Variants in PSMD3 observed in about 807,000 individuals in gnomAD.
PSMD3 encodes the protein 26S proteasome non-ATPase regulatory subunit 3.
In PSMD3, 5 loss-of-function variants were observed where a neutral mutation model predicts 62.8. The ratio of observed to expected loss-of-function variants is 0.08; its 90% CI spans 0.04 to 0.17. PSMD3 has a LOEUF of 0.17. Among genes scored for constraint, PSMD3 ranks in the 10% least tolerant of loss-of-function variants. The pLI is 1.00. For synonymous variants in PSMD3, 265 were observed against 283.9 expected (o/e 0.93, Z 0.67); for missense variants, 524 against 713.6 (o/e 0.73, Z 3.03).
In PSMD3 at chr17:39,996,120, C is replaced by CA. The variant is rs35244421; in HGVS notation, c.1321-48dup. The CA allele has an allele frequency of 0.035, 50,215 of 1,429,036 alleles. 12 individuals are homozygous for CA. The highest frequency in any genetic ancestry group is 0.039 in the Non-Finnish European group (40,629 of 1,050,376). 88.5% of individuals were successfully genotyped at this position (1,429,036 alleles called of 1,614,324 possible). ...TGGGTGACAGAGCGAGACTCCATCTCAAAAAAAAAAAAAAAGAAGAAGCTG... is the reference window on the plus strand; with the variant it reads ...TGGGTGACAGAGCGAGACTCCATCTCAAAAAAAAAAAAAAAAGAAGAAGCTG... On this transcript the variant is annotated intron_variant, in intron 9 of 11. Transcript: ENST00000264639. The surrounding 1 kb of genome is among the most constrained non-coding windows in gnomAD (Gnocchi z 5.1).
rs1980743422 is a variant in PSMD3 at position 39,994,857 on chromosome 17, T to C, written c.982-97T>C. Reference sequence around the variant, plus strand: ...GCCTAAACAGTGATCCCTTTCCCTGTTTCCCACTACATCTGGCAGAATTTA... The same window carrying C: ...GCCTAAACAGTGATCCCTTTCCCTGCTTCCCACTACATCTGGCAGAATTTA... On this transcript the variant is annotated intron_variant, in intron 6 of 11. Transcript: ENST00000264639. 5 of 1,046,948 alleles carry C rather than the reference T, an allele frequency of 4.8e-6. No individual in the cohort carries two copies. In the East Asian group the frequency reaches 1.2e-4, roughly 26 times the overall value. The allele number at this position is 1,046,948 out of a possible 1,614,324, so 64.9% of individuals were successfully genotyped here.
At chr17:39,993,369 G>A (rs1980704861) in intron 6 of PSMD3, 1 of 152,152 alleles carries the variant, frequency 6.6e-6, no homozygotes, top group Non-Finnish European at 1.5e-5. Flanking sequence ...ATGCAGTTTA[G>A]CCCATAACAC....
chr17:39,992,647 C>T (rs1042031004), intron 6 of PSMD3, among the ~76,000 whole-genome samples: 1 of 152,202 alleles, frequency 6.6e-6, no homozygotes, highest in Non-Finnish European at 1.5e-5. Context: ...CCTGTCTTTA[C>T]TTAACACCAG....
intron 1 of PSMD3, among the ~76,000 whole-genome samples, chr17:39,982,350 G>T (rs952378353): frequency 2.6e-5 from 4 of 152,206 alleles, no homozygotes; most frequent in Non-Finnish European, 5.9e-5. Context: ...ATTGTGGAAT[G>T]TATGAGAAGT....
intron 6 of PSMD3, among the ~76,000 whole-genome samples, chr17:39,992,288 G>A (rs1980676786): frequency 6.6e-6 from 1 of 152,170 alleles, no homozygotes; most frequent in African/African-American, 2.4e-5. Flanking sequence ...AGAGGTCTCG[G>A]GCTGTTGGTG....
At chr17:39,988,637 C>T (rs1229999573) in intron 3 of PSMD3, 46 bp from the exon 4 acceptor site, 1 of 1,605,564 alleles carries the variant, frequency 6.2e-7, no homozygotes, top group South Asian at 1.1e-5. Context: ...CCATGTTTAT[C>T]CTTTTGAGGA....
intron 1 of PSMD3, among the ~76,000 whole-genome samples, chr17:39,982,671 G>C (rs1222825143): frequency 6.6e-6 from 1 of 152,120 alleles, no homozygotes; most frequent in Non-Finnish European, 1.5e-5. Context: ...GCTTAAAACT[G>C]TGCCTAGCAC....
At chr17:39,988,575 G>A (rs2144811367) in intron 3 of PSMD3, 108 bp from the exon 4 acceptor site, 2 of 1,294,382 alleles carry the variant, frequency 1.5e-6, no homozygotes, top group East Asian at 2.5e-5. Flanking sequence ...TAAGTTTCCA[G>A]TTCTCTTGGC....
At chr17:39,997,195 C>T in intron 10 of PSMD3, 135 bp from the exon 11 acceptor site, 1 of 778,486 alleles carries the variant, frequency 1.3e-6, no homozygotes, top group Middle Eastern at 2.5e-4. Flanking sequence ...TAGCCCCCCA[C>T]TAGACTAACT....
rs555805954 is a variant in PSMD3 at position 39,995,854 on chromosome 17, C to T, written c.1320+327C>T. 2.3e-5 allele frequency: 11 copies of T among 481,772 alleles called. No individual in the cohort carries two copies. The highest frequency in any genetic ancestry group is 1.6e-4 in the African/African-American group (8 of 51,154). The allele number at this position is 481,772 out of a possible 1,614,324, so 29.8% of individuals were successfully genotyped here. The stretch of plus-strand genomic sequence containing the variant: ...GCGTGCTGGGCCAGGCGCAGTGGCT[C>T]ATGCCTGTAATCCCAGCACTTTGGG... On this transcript the variant is annotated intron_variant, in intron 9 of 11. Coordinates refer to ENST00000264639, the MANE Select transcript of PSMD3 (RefSeq NM_002809.4). The surrounding 1 kb of genome is among the most constrained non-coding windows in gnomAD (Gnocchi z 4.1).
At chr17:39,988,260 C>T (rs753727736) in intron 3 of PSMD3, among the ~76,000 whole-genome samples, 11 of 152,180 alleles carry the variant, frequency 7.2e-5, no homozygotes, top group East Asian at 1.9e-4. Flanking sequence ...AGCCCCTGGC[C>T]GCTACTAATC....
At chr17:39,989,126 C>G (rs1568137559) in intron 4 of PSMD3, among the ~76,000 whole-genome samples, 1 of 152,196 alleles carries the variant, frequency 6.6e-6, no homozygotes, top group Non-Finnish European at 1.5e-5. Flanking sequence ...CTTCTTTGCT[C>G]AAAACCTGCA....
rs558529621 is a variant in PSMD3, at chr17:39,996,391, CCA to C, written c.1476+57_1476+58del. 1.5e-4 allele frequency: 243 copies of C among 1,583,600 alleles called. No homozygotes were observed. The African/African-American group carries it at 3.0e-3, about 20-fold the overall frequency. On this transcript the variant is annotated intron_variant, in intron 10 of 11. Transcript: ENST00000264639. This position sits in a 1 kb window ranked among gnomAD's most constrained non-coding sequence, Gnocchi z 5.1. ...GCCTGGCAGCAGCACACCCCTCCCT[CCA>C]CACTCATGGATTCCTCAGAGAAGAC...
In PSMD3 at chr17:39,980,807, A is replaced by T; in HGVS notation, c.-164A>T. The stretch of plus-strand genomic sequence containing the variant: ...CGGCCTGCCGGGCCTGGCGTTTCCC[A>T]GAAGGCCCAGCGCCGGGAAGGGGTT... On this transcript the variant is annotated 5_prime_UTR_variant, in exon 1 of 12. Coordinates refer to ENST00000264639, the MANE Select transcript of PSMD3 (RefSeq NM_002809.4). The T allele has an allele frequency of 1.6e-6, 1 of 632,560 alleles. No homozygotes were observed. Among genetic ancestry groups the T allele is most frequent in the Non-Finnish European group, 2.6e-6 (1 of 389,248 alleles). 39.2% of individuals were successfully genotyped at this position (632,560 alleles called of 1,614,324 possible).
chr17:39,990,136 G>A lies in PSMD3; in HGVS notation c.920G>A (p.Arg307Lys). 6.2e-7 allele frequency: 1 copy of A among 1,613,842 alleles called. No homozygotes were observed. Among genetic ancestry groups the A allele is most frequent in the Non-Finnish European group, 8.5e-7 (1 of 1,179,980 alleles). Residue 307 changes from arginine (R) to lysine (K), a missense_variant, in exon 6 of 12, where the codon AGA becomes AAA. Coordinates refer to ENST00000264639, the MANE Select transcript of PSMD3 (RefSeq NM_002809.4). ...CAGCTGGAGTACTCAGAGGCCCGGAGAACGATGACCAACGCCCTTCGCAAG... is the reference window on the plus strand; with the variant it reads ...CAGCTGGAGTACTCAGAGGCCCGGAAAACGATGACCAACGCCCTTCGCAAG... ...AIQLEYSEAR[R>K]TMTNALRKAP...
chr17:39,991,206 A>G (rs1444225163), intron 6 of PSMD3, among the ~76,000 whole-genome samples: 2 of 151,396 alleles, frequency 1.3e-5, no homozygotes, highest in African/African-American at 4.9e-5. Flanking sequence ...CCCAGGCTGG[A>G]GACAGAGGTG....
chr17:39,981,307 C>A, intron 1 of PSMD3, 117 bp downstream of exon 1: 1 of 1,463,814 alleles, frequency 6.8e-7, no homozygotes, highest in South Asian at 1.3e-5. Context: ...TTGGGATCAC[C>A]CCCAGATACC....
rs1356119757 is a variant in PSMD3 at position 39,995,844 on chromosome 17, C to T, written c.1320+317C>T. The stretch of plus-strand genomic sequence containing the variant: ...TAGAAGATGGGCGTGCTGGGCCAGG[C>T]GCAGTGGCTCATGCCTGTAATCCCA... On this transcript the variant is annotated intron_variant, in intron 9 of 11. Coordinates refer to ENST00000264639, the MANE Select transcript of PSMD3 (RefSeq NM_002809.4). This position sits in a 1 kb window ranked among gnomAD's most constrained non-coding sequence, Gnocchi z 4.1. The T allele has an allele frequency of 1.0e-5, 5 of 482,012 alleles. No individual in the cohort carries two copies. The highest frequency in any genetic ancestry group is 1.0e-4 in the Admixed American group (3 of 30,004). 29.9% of individuals were successfully genotyped at this position (482,012 alleles called of 1,614,324 possible).
At chr17:39,988,913 C>T in intron 4 of PSMD3, 94 bp downstream of exon 4, 3 of 1,492,122 alleles carry the variant, frequency 2.0e-6, no homozygotes, top group Non-Finnish European at 2.8e-6. Flanking sequence ...GGGCGAAGAA[C>T]CTGTAGATGT....
Sources: allele counts gnomAD v4.1 joint callset (sites outside exome capture counted in the v4.1 genomes callset), GRCh38; gene constraint gnomAD v4.1.1; non-coding constraint Gnocchi (gnomAD v3.1); transcripts MANE v1.5; gene names NCBI Gene and HGNC (gene_info 2026-07-23, HGNC 2026-07-21).